The following PRRX1 variants were observed in gnomAD, a reference collection of about 807,000 sequenced individuals.
PRRX1 encodes the protein paired mesoderm homeobox protein 1.
A neutral mutation model predicts 24.0 loss-of-function variants in PRRX1; 8 were observed. The observed-to-expected ratio is 0.33, with a 90% CI of 0.20 to 0.60. The LOEUF (loss-of-function observed/expected upper bound fraction) is 0.60. PRRX1 is among the 20% of genes least tolerant of loss of function. The pLI is 0.82. For missense variants in PRRX1, 281 were observed against 322.4 expected, an observed-to-expected ratio of 0.87 and a Z score of 0.98; for synonymous variants, 160 against 131.7, an observed-to-expected ratio of 1.22 and a Z score of -1.47.
chr1:170,693,042 A>G (rs973345162), intron 1 of PRRX1, among the ~76,000 whole-genome samples: 1 of 152,092 alleles, frequency 6.6e-6, no homozygotes, highest in East Asian at 1.9e-4. Flanking sequence ...AATTTATTCC[A>G]CTTAGGCTAG....
intron 1 of PRRX1, chr1:170,667,797 A>G (rs913638642): frequency 1.3e-5 from 2 of 152,268 alleles, no homozygotes; most frequent in African/African-American, 4.8e-5. Flanking sequence ...TTTTAGCTAT[A>G]TAGAAACAGT....
Position 170,726,698 on chromosome 1 carries a change from C to T in PRRX1, c.599+297C>T, listed in dbSNP as rs1655269315. 11 of 323,508 alleles carry T rather than the reference C, an allele frequency of 3.4e-5. No individual in the cohort carries two copies. The East Asian group carries it at 6.2e-4, about 18-fold the overall frequency. The allele number at this position is 323,508 out of a possible 1,614,324, so 20.0% of individuals were successfully genotyped here. The stretch of plus-strand genomic sequence containing the variant: ...TAAAAGAAAAGATCATTAAGCTGTG[C>T]CCAGTGTTCCTCTTGCAACAATTCT... On this transcript the variant is annotated intron_variant, in intron 3 of 3. Coordinates refer to ENST00000239461, the MANE Select transcript of PRRX1 (RefSeq NM_022716.4).
chr1:170,675,979 T>C (rs1653307780), intron 1 of PRRX1, among the ~76,000 whole-genome samples: 1 of 152,172 alleles, frequency 6.6e-6, no homozygotes, highest in South Asian at 2.1e-4. Flanking sequence ...ACATTGCCTA[T>C]TTCTAAGAGA....
intron 2 of PRRX1, among the ~76,000 whole-genome samples, chr1:170,721,923 T>C (rs1655097856): frequency 6.6e-6 from 1 of 151,668 alleles, no homozygotes; most frequent in South Asian, 2.1e-4. Flanking sequence ...ACTTTTGCTA[T>C]GGTGATCTAA....
intron 3 of PRRX1, among the ~76,000 whole-genome samples, chr1:170,732,148 C>T (rs904102641): frequency 2.6e-5 from 4 of 152,282 alleles, no homozygotes; most frequent in East Asian, 1.9e-4. Flanking sequence ...CCATTTTACC[C>T]GAGCAAGCTT....
intron 2 of PRRX1, among the ~76,000 whole-genome samples, chr1:170,720,782 G>T (rs1295067921): frequency 1.3e-5 from 2 of 152,114 alleles, no homozygotes; most frequent in Non-Finnish European, 2.9e-5. Context: ...AGCATGAAAG[G>T]CAGGAAAAAG....
rs548422479 is a variant in PRRX1, at chr1:170,703,194, G to C, written c.242-16532G>C. The stretch of plus-strand genomic sequence containing the variant: ...TTAAAAGTTCTTCCACTTCTTAATA[G>C]TTTATAGGAAGAAAATTTTATAACC... On this transcript the variant is annotated intron_variant, in intron 1 of 3. Coordinates refer to ENST00000239461, the MANE Select transcript of PRRX1 (RefSeq NM_022716.4). Among the ~76,000 whole-genome samples, 520 of 152,312 alleles carry C rather than the reference G, an allele frequency of 3.4e-3. 4 individuals carry two copies. Among genetic ancestry groups the C allele is most frequent in the Non-Finnish European group, 5.7e-3 (385 of 68,028 alleles).
Position 170,738,198 on chromosome 1 carries a change from T to C in PRRX1, c.*2012T>C, listed in dbSNP as rs1205006408. The C allele has an allele frequency of 4.5e-6, 1 of 223,074 alleles. No individual in the cohort carries two copies. Among genetic ancestry groups the C allele is most frequent in the Non-Finnish European group, 9.0e-6 (1 of 111,464 alleles). 13.8% of individuals were successfully genotyped at this position (223,074 alleles called of 1,614,324 possible). On this transcript the variant is annotated 3_prime_UTR_variant, in exon 4 of 4. Coordinates refer to ENST00000239461, the MANE Select transcript of PRRX1 (RefSeq NM_022716.4). ...TCAATTTTGGTCAAACATGCCAACT[T>C]TGTAGTCTGAGTGACAGGCAAGGAT...
intron 2 of PRRX1, among the ~76,000 whole-genome samples, chr1:170,722,406 C>T (rs555849948): frequency 6.6e-6 from 1 of 152,066 alleles, no homozygotes; most frequent in Non-Finnish European, 1.5e-5. Context: ...TTATCAAGCA[C>T]ATATTATACT....
intron 1 of PRRX1, among the ~76,000 whole-genome samples, chr1:170,690,401 G>A (rs879046783): frequency 6.6e-6 from 1 of 152,060 alleles, no homozygotes; most frequent in Admixed American, 6.6e-5. Context: ...CTGAATAGTG[G>A]CAGATGAGTA....
chr1:170,701,849 C>A (rs958010918), intron 1 of PRRX1, among the ~76,000 whole-genome samples: 8 of 152,172 alleles, frequency 5.3e-5, no homozygotes, highest in Non-Finnish European at 8.8e-5. Flanking sequence ...AAACATTTAT[C>A]TTTTTTTGTG....
rs35075394 is a variant in PRRX1 at position 170,666,417 on chromosome 1, C to CAAAAAAAAAA, written c.241+1972_241+1981dup. On this transcript the variant is annotated intron_variant, in intron 1 of 3. Transcript: ENST00000239461. ...TGGATGACAGAGTGAGACTCCGTCT[C>CAAAAAAAAAA]AAAAAAAAAAAAAAAAAAAAAAAGT... 1.3e-3 allele frequency among the ~76,000 whole-genome samples: 96 copies of CAAAAAAAAAA among 75,936 alleles called. 3 individuals carry two copies. The highest frequency in any genetic ancestry group is 4.8e-3 in the African/African-American group (92 of 19,052). 49.8% of individuals were successfully genotyped at this position (75,936 alleles called of 152,430 possible).
intron 1 of PRRX1, among the ~76,000 whole-genome samples, chr1:170,678,653 C>T (rs1653400896): frequency 6.6e-6 from 1 of 152,092 alleles, no homozygotes; most frequent in African/African-American, 2.4e-5. Flanking sequence ...GTAGATAACT[C>T]TGGGTCTCTG....
chr1:170,678,541 C>T (rs895947993), intron 1 of PRRX1, among the ~76,000 whole-genome samples: 1 of 152,192 alleles, frequency 6.6e-6, no homozygotes, highest in Admixed American at 6.5e-5. Flanking sequence ...GCACAGCTCT[C>T]TTGGCAATAG....
At chr1:170,731,276 A>G (rs1655428989) in intron 3 of PRRX1, among the ~76,000 whole-genome samples, 1 of 152,210 alleles carries the variant, frequency 6.6e-6, no homozygotes, top group Non-Finnish European at 1.5e-5. Flanking sequence ...ACTTCTATGC[A>G]TCACAGTCTT....
Position 170,726,286 on chromosome 1 carries a change from G to A in PRRX1, c.484G>A (p.Ala162Thr), listed in dbSNP as rs761253714. 2 of 1,613,956 alleles carry A rather than the reference G, an allele frequency of 1.2e-6. No individual in the cohort carries two copies. The highest frequency in any genetic ancestry group is 1.7e-6 in the Non-Finnish European group (2 of 1,179,944). ...NERAMLANKN[A>T]SLLKSYSGDV... Reference sequence around the variant, plus strand: ...GAGAGCCATGCTAGCCAATAAAAACGCTTCCCTCCTCAAATCCTACTCAGG... The same window carrying A: ...GAGAGCCATGCTAGCCAATAAAAACACTTCCCTCCTCAAATCCTACTCAGG... Residue 162 changes from alanine to threonine, a missense_variant, in exon 3 of 4, where the codon GCT becomes ACT. Coordinates refer to ENST00000239461, the MANE Select transcript of PRRX1 (RefSeq NM_022716.4).
intron 1 of PRRX1, among the ~76,000 whole-genome samples, chr1:170,688,699 A>T (rs1407065483): frequency 6.6e-6 from 1 of 152,278 alleles, no homozygotes; most frequent in African/African-American, 2.4e-5. Context: ...GGCATATTTA[A>T]CATATAAAAC....
intron 1 of PRRX1, among the ~76,000 whole-genome samples, chr1:170,693,333 T>C (rs1654056476): frequency 6.6e-6 from 1 of 151,554 alleles, no homozygotes; most frequent in South Asian, 2.1e-4. Flanking sequence ...ATTAGGGAGG[T>C]GGGGTCAAAG....
chr1:170,711,273 G>C lies in PRRX1; in HGVS notation c.242-8453G>C, dbSNP rs143969291. Among the ~76,000 whole-genome samples, 187 of 152,152 alleles carry C rather than the reference G, an allele frequency of 1.2e-3. 1 individual carries two copies. The highest frequency in any genetic ancestry group is 4.3e-3 in the African/African-American group (178 of 41,520). ...ATATAGTGTTACAGAATTACCTTTG[G>C]TTCTATCTCTTACTGTGATGGAAAG... On this transcript the variant is annotated intron_variant, in intron 1 of 3. Transcript: ENST00000239461.
Sources: allele counts gnomAD v4.1 joint callset (sites outside exome capture counted in the v4.1 genomes callset), GRCh38; gene constraint gnomAD v4.1.1; transcripts MANE v1.5; gene names NCBI Gene and HGNC (gene_info 2026-07-23, HGNC 2026-07-21).